Variants in BAZ2A observed in about 807,000 individuals in gnomAD.
The protein encoded by BAZ2A is bromodomain adjacent to zinc finger domain 2A.
A neutral mutation model predicts 199.9 loss-of-function variants in BAZ2A; 34 were observed. The ratio of observed to expected loss-of-function variants is 0.17; its 90% CI spans 0.13 to 0.23. The LOEUF (loss-of-function observed/expected upper bound fraction) is 0.23, where lower values mean the gene tolerates loss of function less well. Ranked by LOEUF, BAZ2A falls within the 10% of genes least tolerant of loss-of-function variation. BAZ2A has a pLI of 1.00. For missense variants in BAZ2A, 2,002 were observed against 2,391.1 expected (o/e 0.84, Z 3.39); for synonymous variants, 857 against 883.9 (o/e 0.97, Z 0.54).
chr12:56,634,919 A>C (rs1475912408), upstream of BAZ2A: 1 of 985,054 alleles, frequency 1.0e-6, no homozygotes, highest in Non-Finnish European at 1.2e-6. Flanking sequence ...GGGACTCCGG[A>C]GCTGGAGGTG....
In BAZ2A at chr12:56,613,084, T is replaced by C. The variant is rs1475558945; in HGVS notation, c.1066A>G (p.Ser356Gly). The C allele has an allele frequency of 6.2e-7, 1 of 1,613,914 alleles. No individual in the cohort carries two copies. The highest frequency in any genetic ancestry group is 1.7e-5 in the Admixed American group (1 of 60,010). Residue 356 changes from serine (S) to glycine (G), a missense_variant, in exon 5 of 29, where the codon AGT becomes GGT. Physicochemically the swap from Ser to Gly is moderately conservative, Grantham distance 56. This residue lies in a region of BAZ2A where 641 missense variants were observed against 694.5 expected (regional missense o/e 0.92). Transcript: ENST00000549884. ...ATAFSLLADDSQTSTSIFASP... is the reference protein window; with the variant it reads ...ATAFSLLADDGQTSTSIFASP... ...GCAAAGATAGAGGTTGATGTTTGACTATCATCTGCCAGGAGACTGAAGGCA... is the reference window on the plus strand; with the variant it reads ...GCAAAGATAGAGGTTGATGTTTGACCATCATCTGCCAGGAGACTGAAGGCA...
intron 3 of BAZ2A, among the ~76,000 whole-genome samples, chr12:56,614,685 C>T (rs986791760): frequency 1.5e-4 from 23 of 152,164 alleles, no homozygotes; most frequent in African/African-American, 2.2e-4. Flanking sequence ...CCTCAATGCC[C>T]GCTGCTAGAC....
At position 56,612,259 on chromosome 12, in the gene BAZ2A, G is replaced by A; in HGVS notation, c.1136-13C>T. ...TCAAAGCTGTTATCTAGAATCCAAAGGGACAGGATAGGCTTTAAAAAAAAA... is the reference window on the plus strand; with the variant it reads ...TCAAAGCTGTTATCTAGAATCCAAAAGGACAGGATAGGCTTTAAAAAAAAA... On this transcript the variant is annotated splice_polypyrimidine_tract_variant and intron_variant, in intron 5 of 28. Coordinates refer to ENST00000549884, the MANE Select transcript of BAZ2A (RefSeq NM_001300905.2). 1 of 1,604,728 alleles carries A rather than the reference G, an allele frequency of 6.2e-7. No homozygotes were observed. Among genetic ancestry groups the A allele is most frequent in the Non-Finnish European group, 8.5e-7 (1 of 1,173,184 alleles).
intron 1 of BAZ2A, among the ~76,000 whole-genome samples, chr12:56,628,238 GA>G (rs1215804234): frequency 1.5e-5 from 2 of 132,328 alleles, no homozygotes; most frequent in East Asian, 4.6e-4. Context: ...AGAAAAGAAA[GA>G]AAAATAAAAT....
chr12:56,596,339 A>C lies in BAZ2A; in HGVS notation c.*2279T>G, dbSNP rs1885832912. Reference sequence around the variant, plus strand: ...CATGAAGAGAAAATCCACCTAGCTCAAGGGGGCAGTGAAGATGAGGAAAGA... The same window carrying C: ...CATGAAGAGAAAATCCACCTAGCTCCAGGGGGCAGTGAAGATGAGGAAAGA... On this transcript the variant is annotated 3_prime_UTR_variant, in exon 29 of 29. Coordinates refer to ENST00000549884, the MANE Select transcript of BAZ2A (RefSeq NM_001300905.2). 1.4e-4 allele frequency: 3 copies of C among 21,864 alleles called. No homozygotes were observed. The highest frequency in any genetic ancestry group is 5.6e-4 in the East Asian group (1 of 1,778). 1.4% of individuals were successfully genotyped at this position (21,864 alleles called of 1,614,324 possible).
chr12:56,630,760 T>G, upstream of BAZ2A: 1 of 983,790 alleles, frequency 1.0e-6, no homozygotes, highest in Non-Finnish European at 1.2e-6. Flanking sequence ...GAGGCAAGAG[T>G]CAGCCACCCA....
Position 56,595,972 on chromosome 12 carries a change from A to T in BAZ2A, c.*2646T>A, listed in dbSNP as rs1263165326. The T allele has an allele frequency of 6.6e-6, 1 of 152,616 alleles. No homozygotes were observed. Among genetic ancestry groups the T allele is most frequent in the East Asian group, 1.9e-4 (1 of 5,196 alleles). The allele number at this position is 152,616 out of a possible 1,614,324, so 9.5% of individuals were successfully genotyped here. ...TTTTTTTATTCAACAACTGACAAGC[A>T]CTTTTCTACAGCTGCACTTGTGGAA... On this transcript the variant is annotated 3_prime_UTR_variant, in exon 29 of 29. Coordinates refer to ENST00000549884, the MANE Select transcript of BAZ2A (RefSeq NM_001300905.2).
chr12:56,623,350 C>T (rs1950982468), intron 1 of BAZ2A, among the ~76,000 whole-genome samples: 1 of 152,160 alleles, frequency 6.6e-6, no homozygotes, highest in Admixed American at 6.5e-5. Context: ...GCCTCTGAGG[C>T]TACCCCCCAG....
intron 1 of BAZ2A, among the ~76,000 whole-genome samples, chr12:56,628,403 G>T (rs561568897): frequency 2.6e-5 from 4 of 152,022 alleles, no homozygotes; most frequent in Admixed American, 6.6e-5. Flanking sequence ...ACTTTGCAGG[G>T]AACAGAGGAA....
intron 1 of BAZ2A, among the ~76,000 whole-genome samples, chr12:56,625,962 C>CA (rs1458653655): frequency 6.6e-6 from 1 of 151,336 alleles, no homozygotes; most frequent in African/African-American, 2.4e-5. Context: ...TTTTAGTCTG[C>CA]AAAATGCCCC....
At chr12:56,634,298 C>A (rs1285696039), upstream of BAZ2A, among the ~76,000 whole-genome samples, 1 of 152,144 alleles carries the variant, frequency 6.6e-6, no homozygotes, top group Non-Finnish European at 1.5e-5. Flanking sequence ...AAGATTCCGG[C>A]AGCGCCCTGG....
intron 1 of BAZ2A, among the ~76,000 whole-genome samples, chr12:56,622,284 G>A (rs1051636652): frequency 6.6e-6 from 1 of 152,000 alleles, no homozygotes; most frequent in Admixed American, 6.5e-5. Flanking sequence ...AGGTTGCAGT[G>A]AGCTGAGATC....
At position 56,604,664 on chromosome 12, in the gene BAZ2A, G is replaced by C. The variant is rs1476454369; in HGVS notation, c.2884C>G (p.Gln962Glu). The change falls in exon 15 of 29, where the codon CAG (glutamine) becomes GAG (glutamate). Residue 962 changes from glutamine (Q) to glutamate (E), a missense_variant. Physicochemically the swap from Gln to Glu is conservative, Grantham distance 29. Transcript: ENST00000549884. ...LCDRLRTQPF[Q>E]AQPPQQKAAV... ...GCCTTCTGCTGGGGTGGCTGGGCCTGAAAAGGCTGGGTGCGCAGGCGGTCA... is the reference window on the plus strand; with the variant it reads ...GCCTTCTGCTGGGGTGGCTGGGCCTCAAAAGGCTGGGTGCGCAGGCGGTCA... 6.2e-7 allele frequency: 1 copy of C among 1,611,656 alleles called. No homozygotes were observed. The highest frequency in any genetic ancestry group is 1.7e-5 in the Admixed American group (1 of 59,634).
In BAZ2A at chr12:56,596,000, T is replaced by G. The variant is rs1885769964; in HGVS notation, c.*2618A>C. ...TTTCTACAGCTGCACTTGTGGAACA[T>G]CACATGGCAAAAACAGGAGTTTTTT... On this transcript the variant is annotated 3_prime_UTR_variant, in exon 29 of 29. Coordinates refer to ENST00000549884, the MANE Select transcript of BAZ2A (RefSeq NM_001300905.2). 1 of 152,716 alleles carries G rather than the reference T, an allele frequency of 6.5e-6. No individual in the cohort carries two copies. The highest frequency in any genetic ancestry group is 6.5e-5 in the Admixed American group (1 of 15,284). The allele number at this position is 152,716 out of a possible 1,614,324, so 9.5% of individuals were successfully genotyped here. A position where few individuals can be genotyped will look rare whatever the true frequency, so the allele number is the denominator to read the frequency against.
At chr12:56,636,414 C>A, upstream of BAZ2A, 1 of 1,359,514 alleles carries the variant, frequency 7.4e-7, no homozygotes, top group African/African-American at 1.5e-5. Context: ...GCGGGGCTTT[C>A]TCTGGGTGGA....
intron 16 of BAZ2A, 76 bp from the exon 17 acceptor site, chr12:56,603,776 G>A (rs1422390127): frequency 2.0e-6 from 3 of 1,519,346 alleles, no homozygotes; most frequent in Non-Finnish European, 2.7e-6. Flanking sequence ...ACTTTGGGAG[G>A]CCAAGACAGG....
At position 56,598,884 on chromosome 12, in the gene BAZ2A, G is replaced by A. The variant is rs773743501; in HGVS notation, c.5530C>T (p.Arg1844Trp). The change falls in exon 28 of 29, where the codon CGG (arginine) becomes TGG (tryptophan). Residue 1844 changes from arginine (R) to tryptophan (W), a missense_variant. Physicochemically the swap from Arg to Trp is moderately radical, Grantham distance 101. Transcript: ENST00000549884. ...TCTACTTACCCTCCCCTGAGCAGCC[G>A]CTCCCGCATGGTGGAAAAATCCATA... ...NPMDFSTMRE[R>W]LLRGGYTSSE... 2 of 1,606,140 alleles carry A rather than the reference G, an allele frequency of 1.2e-6. No individual in the cohort carries two copies. Among genetic ancestry groups the A allele is most frequent in the Admixed American group, 1.7e-5 (1 of 58,650 alleles).
chr12:56,611,285 G>C (rs1000189020), intron 7 of BAZ2A: 2 of 509,462 alleles, frequency 3.9e-6, no homozygotes, highest in Non-Finnish European at 7.0e-6. Context: ...AGCTGGTTTG[G>C]ATGTGAGCCC....
chr12:56,602,700 C>T lies in BAZ2A; in HGVS notation c.3424+13G>A. The T allele has an allele frequency of 1.2e-6, 2 of 1,611,540 alleles. No individual in the cohort carries two copies. The highest frequency in any genetic ancestry group is 1.3e-5 in the African/African-American group (1 of 75,038). Reference sequence around the variant, plus strand: ...ATAGGACTCAGAATCCACACTCCCACAGGCACACCTACCTAAGTTCCCCTC... The same window carrying T: ...ATAGGACTCAGAATCCACACTCCCATAGGCACACCTACCTAAGTTCCCCTC... On this transcript the variant is annotated intron_variant, in intron 19 of 28. Transcript: ENST00000549884.
Sources: allele counts gnomAD v4.1 joint callset (sites outside exome capture counted in the v4.1 genomes callset), GRCh38; gene constraint gnomAD v4.1.1; regional missense constraint gnomAD v4.1.1; transcripts MANE v1.5; gene names NCBI Gene and HGNC (gene_info 2026-07-23, HGNC 2026-07-21).